ROBO2: variants seen among roughly 807,000 people sequenced by gnomAD.
ROBO2 encodes the protein roundabout guidance receptor 2.
ROBO2 carries 53 observed loss-of-function variants against 160.8 expected under a neutral mutation model. That is an observed-to-expected ratio of 0.33 (90% CI 0.26 to 0.41). The LOEUF is 0.41. ROBO2 is among the 10% of genes least tolerant of loss of function. The pLI is 1.00. For missense variants in ROBO2, 1,577 were observed against 1,722.4 expected (o/e 0.92, Z 1.49); for synonymous variants, 664 against 611.7 (o/e 1.09, Z -1.26).
chr3:77,200,561 C>A (rs2082813453), intron 2 of ROBO2, among the ~76,000 whole-genome samples: 1 of 151,694 alleles, frequency 6.6e-6, no homozygotes, highest in Admixed American at 6.6e-5. Flanking sequence ...GTCCCATGAA[C>A]AGTTCTTTTG....
intron 2 of ROBO2, among the ~76,000 whole-genome samples, chr3:76,245,059 T>A (rs1426058473): frequency 6.6e-6 from 1 of 152,294 alleles, no homozygotes; most frequent in East Asian, 1.9e-4. Context: ...AATAAGGCAT[T>A]TTCCTAAAAA....
At chr3:77,185,038 GA>G (rs150653904) in intron 2 of ROBO2, among the ~76,000 whole-genome samples, 11,406 of 151,992 alleles carry the variant, frequency 0.075, 487 homozygotes, top group African/African-American at 0.11. Flanking sequence ...GCAGATATCT[GA>G]AAACAGATTT....
chr3:76,872,506 C>T (rs1231926520), intron 2 of ROBO2, among the ~76,000 whole-genome samples: 1 of 151,782 alleles, frequency 6.6e-6, no homozygotes, highest in Non-Finnish European at 1.5e-5. Flanking sequence ...ACATAAAGTG[C>T]TCAAGAAATA....
chr3:76,115,418 C>T (rs1412600365), intron 2 of ROBO2, among the ~76,000 whole-genome samples: 1 of 152,074 alleles, frequency 6.6e-6, no homozygotes, highest in African/African-American at 2.4e-5. Context: ...GGAGGTGCCT[C>T]AAATAGAATC....
At chr3:76,746,230 T>C (rs1392991469) in intron 2 of ROBO2, among the ~76,000 whole-genome samples, 1 of 151,886 alleles carries the variant, frequency 6.6e-6, no homozygotes, top group Non-Finnish European at 1.5e-5. Flanking sequence ...ATCCAGTCTA[T>C]CATTGTTGGA....
At chr3:75,981,736 C>T (rs2065281930) in intron 2 of ROBO2, among the ~76,000 whole-genome samples, 1 of 151,094 alleles carries the variant, frequency 6.6e-6, no homozygotes, top group African/African-American at 2.4e-5. Context: ...ATGGGGTATC[C>T]ATTCCCTAAG....
intron 2 of ROBO2, among the ~76,000 whole-genome samples, chr3:76,833,509 C>A (rs9834565): frequency 0.02 from 3,050 of 152,220 alleles, 86 homozygotes; most frequent in East Asian, 0.12. Context: ...AGAGTGAAGT[C>A]AATAGCTTTT....
intron 2 of ROBO2, among the ~76,000 whole-genome samples, chr3:77,254,234 A>G (rs1175199382): frequency 2.6e-5 from 4 of 152,190 alleles, no homozygotes; most frequent in Non-Finnish European, 5.9e-5. Context: ...CCACTCCACT[A>G]GAGCCTGAGT....
chr3:77,096,259 T>C (rs947108965), intron 1 of ROBO2, among the ~76,000 whole-genome samples: 1 of 152,122 alleles, frequency 6.6e-6, no homozygotes, highest in African/African-American at 2.4e-5. Context: ...TATATAATCA[T>C]TATGTCCCCA....
chr3:77,080,942 G>T (rs543087035), intron 1 of ROBO2, among the ~76,000 whole-genome samples: 1 of 152,242 alleles, frequency 6.6e-6, no homozygotes, highest in South Asian at 2.1e-4. Context: ...CGCCGGAGTT[G>T]CCTGTTTTGT....
chr3:76,552,974 A>G (rs2083501342), intron 2 of ROBO2, among the ~76,000 whole-genome samples: 1 of 152,186 alleles, frequency 6.6e-6, no homozygotes. Context: ...TTGATTTGAG[A>G]AAGATCATTC....
At chr3:76,383,895 A>G (rs1425422126) in intron 2 of ROBO2, among the ~76,000 whole-genome samples, 1 of 152,198 alleles carries the variant, frequency 6.6e-6, no homozygotes, top group Non-Finnish European at 1.5e-5. Flanking sequence ...CGTCAGGGAA[A>G]TTTCCGTTCA....
At chr3:75,914,773 C>T (rs1008948269) in intron 1 of ROBO2, among the ~76,000 whole-genome samples, 1 of 152,170 alleles carries the variant, frequency 6.6e-6, no homozygotes, top group Admixed American at 6.5e-5. Flanking sequence ...TTCAGAGATA[C>T]AGTAGTTGTA....
chr3:76,034,727 C>T (rs1459114824), intron 2 of ROBO2, among the ~76,000 whole-genome samples: 1 of 152,108 alleles, frequency 6.6e-6, no homozygotes, highest in Non-Finnish European at 1.5e-5. Context: ...TTAAGCTCTT[C>T]AATTTCTTCC....
At chr3:76,372,709 G>C (rs1463345209) in intron 2 of ROBO2, among the ~76,000 whole-genome samples, 1 of 151,910 alleles carries the variant, frequency 6.6e-6, no homozygotes, top group Non-Finnish European at 1.5e-5. Flanking sequence ...AGTGGGATGA[G>C]ACCAATGCTT....
chr3:77,287,978 T>C (rs905753664), intron 2 of ROBO2, among the ~76,000 whole-genome samples: 2 of 152,190 alleles, frequency 1.3e-5, no homozygotes, highest in East Asian at 1.9e-4. Flanking sequence ...TAGATCTTCA[T>C]TGAATCACCC....
rs573784432 is a variant in ROBO2, at chr3:76,435,060, T to G, written c.109+497458T>G. On this transcript the variant is annotated intron_variant, in intron 2 of 26. Coordinates refer to the ROBO2 transcript ENST00000487694. ...AGAGCTGAAACAAATGGCTTACATA[T>G]ACAAGTGTGTCAACATGACATTGCA... is the stretch of plus-strand genomic sequence containing the variant. The G allele has an allele frequency of 1.5e-5, 17 of 1,125,260 alleles. No homozygotes were observed. In the Admixed American group the frequency reaches 1.9e-4, roughly 12 times the overall value. 69.7% of individuals were successfully genotyped at this position (1,125,260 alleles called of 1,614,324 possible).
At chr3:76,925,146 G>A (rs9814486) in intron 2 of ROBO2, among the ~76,000 whole-genome samples, 67,254 of 146,552 alleles carry the variant, frequency 0.46, 15,857 homozygotes, top group African/African-American at 0.57. Context: ...GGGAGGCGGA[G>A]CTTGCAGTGA....
intron 2 of ROBO2, among the ~76,000 whole-genome samples, chr3:76,726,504 A>C (rs2093555359): frequency 6.6e-6 from 1 of 151,882 alleles, no homozygotes; most frequent in South Asian, 2.1e-4. Flanking sequence ...TTTTGTCTTC[A>C]CTTTTCTGAG....
Sources: gnomAD v4.1 joint callset for allele counts (sites outside exome capture counted in the v4.1 genomes callset) on GRCh38, gnomAD v4.1.1 for gene constraint, MANE v1.5 for transcripts, NCBI Gene and HGNC (gene_info 2026-07-23, HGNC 2026-07-21) for gene names.